Variants in SMIM7 observed in about 807,000 individuals in gnomAD.
SMIM7 encodes UPF0608 protein C19orf42.
A neutral mutation model predicts 13.3 loss-of-function variants in SMIM7; 12 were observed. That is an observed-to-expected ratio of 0.90 (90% CI 0.58 to 1.46). The LOEUF (loss-of-function observed/expected upper bound fraction) is 1.46. Among genes scored for constraint, SMIM7 ranks in the 40% most tolerant of loss-of-function variants. The probability of loss-of-function intolerance (pLI) is 0.00; values close to 1 mark genes in which losing one functional copy is unlikely to be tolerated. For synonymous variants in SMIM7, 36 were observed against 35.8 expected, an observed-to-expected ratio of 1.01 and a Z score of -0.02; for missense variants, 114 against 94.8, an observed-to-expected ratio of 1.20 and a Z score of -0.84.
chr19:16,659,993 G>C lies in SMIM7; in HGVS notation c.34C>G (p.Leu12Val). Residue 12 changes from leucine (L) to valine (V), a missense_variant, in exon 2 of 5, where the codon CTG (leucine) becomes GTG (valine). Coordinates refer to ENST00000487416, the MANE Select transcript of SMIM7 (RefSeq NM_024104.4). ...IGDILLFGTL[L>V]MNAGAVLNFK... ...TTCAGCACCGCCCCGGCATTCATCA[G>C]CAACGTCCTGCAGAGGGAGAATTAC... 1 of 1,613,866 alleles carries C rather than the reference G, an allele frequency of 6.2e-7. No individual in the cohort carries two copies. The highest frequency in any genetic ancestry group is 1.1e-5 in the South Asian group (1 of 90,974).
intron 4 of SMIM7, among the ~76,000 whole-genome samples, chr19:16,650,223 A>G (rs1218717053): frequency 1.3e-5 from 2 of 152,154 alleles, no homozygotes; most frequent in African/African-American, 4.8e-5. Context: ...GCCACCACCT[A>G]CATTCTGCAA....
In SMIM7 at chr19:16,649,800, G is replaced by A. The variant is rs928733765; in HGVS notation, c.213-2539C>T. Reference sequence around the variant, plus strand: ...GAATGATTCTGCCATGAAAAGGAATGAAGCACTGCTCCAGGCTACAACGTG... The same window carrying A: ...GAATGATTCTGCCATGAAAAGGAATAAAGCACTGCTCCAGGCTACAACGTG... On this transcript the variant is annotated intron_variant, in intron 4 of 4. Transcript: ENST00000487416. Among the ~76,000 whole-genome samples, 8 of 152,328 alleles carry A rather than the reference G, an allele frequency of 5.3e-5. No individual in the cohort carries two copies. In the East Asian group the frequency reaches 1.5e-3, roughly 29 times the overall value.
chr19:16,631,742 T>TA (rs1051517540), intron 4 of SMIM7: 2 of 152,098 alleles, frequency 1.3e-5, no homozygotes, highest in Admixed American at 6.6e-5. Context: ...ACAGGCCATT[T>TA]AAAGCACAGG....
downstream of SMIM7, chr19:16,641,011 T>A: frequency 6.6e-6 from 1 of 152,148 alleles, no homozygotes; most frequent in Non-Finnish European, 1.5e-5. Context: ...TCTAGCAAAT[T>A]TAAAAAATGT....
chr19:16,648,242 G>A (rs1234831337), intron 4 of SMIM7, among the ~76,000 whole-genome samples: 1 of 152,126 alleles, frequency 6.6e-6, no homozygotes, highest in African/African-American at 2.4e-5. Context: ...CTGGGTTCAA[G>A]CGATTCTCAT....
At chr19:16,652,629 A>C in intron 4 of SMIM7, 1 of 1,317,772 alleles carries the variant, frequency 7.6e-7, no homozygotes, top group East Asian at 3.2e-5. Flanking sequence ...TCCTGGGAAT[A>C]CATCACGGTC....
intron 3 of SMIM7, among the ~76,000 whole-genome samples, chr19:16,657,375 C>T (rs1235836238): frequency 1.6e-4 from 23 of 142,912 alleles, no homozygotes; most frequent in Admixed American, 1.6e-3. Context: ...TGATTCGGAT[C>T]TGTACAGTGC....
At chr19:16,649,468 G>A (rs954763059) in intron 4 of SMIM7, among the ~76,000 whole-genome samples, 2 of 152,112 alleles carry the variant, frequency 1.3e-5, no homozygotes, top group Non-Finnish European at 2.9e-5. Flanking sequence ...AGTTACTCAG[G>A]AGGCTGAGGC....
chr19:16,654,243 A>C, intron 3 of SMIM7, 118 bp from the exon 4 acceptor site: 1 of 744,806 alleles, frequency 1.3e-6, no homozygotes, highest in Non-Finnish European at 2.3e-6. Context: ...AACTTCGGCA[A>C]CAGTGTGGCT....
downstream of SMIM7, among the ~76,000 whole-genome samples, chr19:16,644,118 G>GTTTTTTTTTTTTTTTTTTT (rs557600997): frequency 1.2e-5 from 1 of 85,430 alleles, no homozygotes. Flanking sequence ...AATTGTTTGC[G>GTTTTTTTTTTTTTTTTTTT]TTTTTTTTTT....
intron 4 of SMIM7, among the ~76,000 whole-genome samples, chr19:16,631,946 T>G (rs2086324959): frequency 6.6e-6 from 1 of 151,538 alleles, no homozygotes; most frequent in South Asian, 2.1e-4. Context: ...CTTGGCTCAC[T>G]GCAATCTCCG....
At chr19:16,659,606 C>A (rs1206037569) in intron 2 of SMIM7, 159 bp from the exon 3 acceptor site, 2 of 742,996 alleles carry the variant, frequency 2.7e-6, no homozygotes, top group African/African-American at 3.5e-5. Flanking sequence ...TCTGGGCCCC[C>A]ACTGCCCGGA....
chr19:16,632,490 C>T (rs963379493), intron 4 of SMIM7, among the ~76,000 whole-genome samples: 1 of 151,286 alleles, frequency 6.6e-6, no homozygotes, highest in Non-Finnish European at 1.5e-5. Flanking sequence ...ACAAACACAA[C>T]ACGGCTGGGA....
intron 2 of SMIM7, chr19:16,659,715 T>C: frequency 1.5e-6 from 1 of 651,262 alleles, no homozygotes; most frequent in Non-Finnish European, 2.6e-6. Flanking sequence ...TCTTGGGGGA[T>C]GGGGCTTAAG....
chr19:16,634,569 G>A (rs1236701131), intron 4 of SMIM7: 1 of 152,118 alleles, frequency 6.6e-6, no homozygotes, highest in African/African-American at 2.4e-5. Flanking sequence ...TTGAGCTCAG[G>A]AGTTTGAGAC....
chr19:16,653,016 T>C, intron 4 of SMIM7: 1 of 1,540,316 alleles, frequency 6.5e-7, no homozygotes, highest in Non-Finnish European at 8.8e-7. Context: ...AATACATTTC[T>C]ACTGGCTTCC....
In SMIM7 at chr19:16,654,051, T is replaced by C. The variant is rs762748420; in HGVS notation, c.196A>G (p.Met66Val). The C allele has an allele frequency of 6.2e-7, 1 of 1,613,840 alleles. No individual in the cohort carries two copies. Among genetic ancestry groups the C allele is most frequent in the South Asian group, 1.1e-5 (1 of 91,050 alleles). The change falls in exon 4 of 5, where the codon ATG becomes GTG. Residue 66 changes from methionine (M) to valine (V), a missense_variant. Coordinates refer to ENST00000487416, the MANE Select transcript of SMIM7 (RefSeq NM_024104.4). ...IFIALWNIFMMFCMIVLFGS is the reference protein window; with the variant it reads ...IFIALWNIFMVFCMIVLFGS ...TGGACTCACACAATCATGCAGAACA[T>C]CATGAAGATGTTCCACAGGGCGATG...
downstream of SMIM7, chr19:16,641,132 G>A (rs1036755563): frequency 1.3e-5 from 2 of 152,088 alleles, no homozygotes; most frequent in East Asian, 1.9e-4. Context: ...CTAGTTGAGC[G>A]GTTGGCAAAT....
At chr19:16,632,178 A>G (rs2086326816) in intron 4 of SMIM7, among the ~76,000 whole-genome samples, 1 of 151,918 alleles carries the variant, frequency 6.6e-6, no homozygotes, top group Non-Finnish European at 1.5e-5. Context: ...GCTGGCAGAA[A>G]TTTTTAAAAC....
Sources: allele counts gnomAD v4.1 joint callset (sites outside exome capture counted in the v4.1 genomes callset), GRCh38; gene constraint gnomAD v4.1.1; transcripts MANE v1.5; gene names NCBI Gene and HGNC (gene_info 2026-07-23, HGNC 2026-07-21).